The following LIPC variants were observed in gnomAD, a reference collection of about 807,000 sequenced individuals.
The protein encoded by LIPC is lipase C, hepatic type, also known as hepatic triacylglycerol lipase.
A neutral mutation model predicts 50.7 loss-of-function variants in LIPC; 44 were observed. That is an observed-to-expected ratio of 0.87 (90% CI 0.68 to 1.11). The LOEUF (loss-of-function observed/expected upper bound fraction) is 1.11, where lower values mean the gene tolerates loss of function less well. Among genes scored for constraint, LIPC ranks in the 50% most tolerant of loss-of-function variants. The pLI is 0.00. For synonymous variants in LIPC, 271 were observed against 256.4 expected (o/e 1.06, Z -0.54); for missense variants, 697 against 648.2 (o/e 1.08, Z -0.82).
At chr15:58,516,470 G>C (rs1467233272) in intron 1 of LIPC, among the ~76,000 whole-genome samples, 1 of 151,646 alleles carries the variant, frequency 6.6e-6, no homozygotes, top group South Asian at 2.1e-4. Context: ...ATATATATGA[G>C]GCCTCTTAAA....
chr15:58,537,309 C>T (rs1182868954), intron 1 of LIPC, among the ~76,000 whole-genome samples: 1 of 152,314 alleles, frequency 6.6e-6, no homozygotes, highest in South Asian at 2.1e-4. Flanking sequence ...TGGCCACTCA[C>T]CCACCCCTCC....
intron 1 of LIPC, among the ~76,000 whole-genome samples, chr15:58,495,989 G>T (rs938238425): frequency 2.0e-5 from 3 of 152,188 alleles, no homozygotes; most frequent in Non-Finnish European, 4.4e-5. Context: ...TTCTTTTCCA[G>T]ATAAGAAAAG....
chr15:58,516,832 T>C (rs1566936011), intron 1 of LIPC, among the ~76,000 whole-genome samples: 1 of 152,254 alleles, frequency 6.6e-6, no homozygotes, highest in Non-Finnish European at 1.5e-5. Context: ...GATTGATTTT[T>C]CTCTTCATTA....
chr15:58,524,223 C>CTT (rs1892737752), intron 1 of LIPC, among the ~76,000 whole-genome samples: 1 of 152,302 alleles, frequency 6.6e-6, no homozygotes, highest in Admixed American at 6.5e-5. Flanking sequence ...CTGCACCTTA[C>CTT]TTTGGCAACT....
At chr15:58,538,939 A>G (rs760085782) in intron 2 of LIPC, among the ~76,000 whole-genome samples, 3 of 152,262 alleles carry the variant, frequency 2.0e-5, no homozygotes, top group Non-Finnish European at 4.4e-5. Context: ...GACTCAAATT[A>G]GCAGTGGTTC....
At chr15:58,516,359 T>C (rs1203716097) in intron 1 of LIPC, among the ~76,000 whole-genome samples, 3 of 151,696 alleles carry the variant, frequency 2.0e-5, no homozygotes, top group African/African-American at 7.3e-5. Context: ...TGGATCTATG[T>C]ATTTAGTGCT....
intron 8 of LIPC, among the ~76,000 whole-genome samples, chr15:58,567,212 A>T (rs201028875): frequency 0.14 from 18,917 of 139,210 alleles, 2,125 homozygotes; most frequent in South Asian, 0.3. Context: ...AAAAAAATAA[A>T]AAATATATAT....
In LIPC at chr15:58,538,426, G is replaced by C. The variant is rs1233508392; in HGVS notation, c.182G>C (p.Gly61Ala). Reference protein sequence around the residue: ...RFLLFGETNQGCQIRINHPDT... With the variant: ...RFLLFGETNQACQIRINHPDT... Reference sequence around the variant, plus strand: ...CTGCTCTTTGGAGAAACCAATCAGGGCTGTCAGATTCGAATCAATCATCCG... The same window carrying C: ...CTGCTCTTTGGAGAAACCAATCAGGCCTGTCAGATTCGAATCAATCATCCG... Residue 61 changes from glycine to alanine, a missense_variant, in exon 2 of 9, where the codon GGC (glycine) becomes GCC (alanine). Gly to Ala is a moderately conservative substitution (Grantham distance 60). Coordinates refer to ENST00000299022, the MANE Select transcript of LIPC (RefSeq NM_000236.3). The C allele has an allele frequency of 6.2e-7, 1 of 1,614,022 alleles. No homozygotes were observed. The highest frequency in any genetic ancestry group is 8.5e-7 in the Non-Finnish European group (1 of 1,180,016).
chr15:58,511,548 T>C lies in LIPC; in HGVS notation c.89-26785T>C, dbSNP rs562151190. Reference sequence around the variant, plus strand: ...AGTTCTCAGGGGAGAGCTATACATATGACTGGTAAAACCCACTATGTCCAG... The same window carrying C: ...AGTTCTCAGGGGAGAGCTATACATACGACTGGTAAAACCCACTATGTCCAG... On this transcript the variant is annotated intron_variant, in intron 1 of 8. Transcript: ENST00000299022. Among the ~76,000 whole-genome samples, 319 of 152,318 alleles carry C rather than the reference T, an allele frequency of 2.1e-3. 1 individual carries two copies. Among genetic ancestry groups the C allele is most frequent in the African/African-American group, 6.6e-3 (275 of 41,568 alleles).
intron 4 of LIPC, 109 bp from the exon 5 acceptor site, chr15:58,545,633 C>A: frequency 2.1e-6 from 2 of 938,478 alleles, no homozygotes; most frequent in South Asian, 3.0e-5. Context: ...CTACGTGTTT[C>A]TTCTTCCTGC....
At position 58,532,511 on chromosome 15, in the gene LIPC, G is replaced by A. The variant is rs756342974; in HGVS notation, c.89-5822G>A. On this transcript the variant is annotated intron_variant, in intron 1 of 8. Coordinates refer to ENST00000299022, the MANE Select transcript of LIPC (RefSeq NM_000236.3). Reference sequence around the variant, plus strand: ...ATTTTCAGCAGTGGATGTTTACAAAGCAAAAGCCCCCCTACACACACATTA... The same window carrying A: ...ATTTTCAGCAGTGGATGTTTACAAAACAAAAGCCCCCCTACACACACATTA... 2.0e-5 allele frequency among the ~76,000 whole-genome samples: 3 copies of A among 152,164 alleles called. 1 individual carries two copies. Among genetic ancestry groups the A allele is most frequent in the Non-Finnish European group, 4.4e-5 (3 of 68,034 alleles).
chr15:58,486,684 T>C (rs1442856181), intron 1 of LIPC, among the ~76,000 whole-genome samples: 1 of 152,162 alleles, frequency 6.6e-6, no homozygotes, highest in African/African-American at 2.4e-5. Flanking sequence ...CATCTACCAA[T>C]GCAGCACATG....
At chr15:58,495,538 C>G (rs1480459254) in intron 1 of LIPC, among the ~76,000 whole-genome samples, 1 of 152,346 alleles carries the variant, frequency 6.6e-6, no homozygotes, top group South Asian at 2.1e-4. Flanking sequence ...AGTACTTGCT[C>G]TGTGTGCCAG....
intron 1 of LIPC, among the ~76,000 whole-genome samples, chr15:58,506,679 C>A (rs1273923661): frequency 3.3e-5 from 5 of 152,236 alleles, no homozygotes; most frequent in Admixed American, 1.3e-4. Flanking sequence ...AAGACACAGG[C>A]TCAAATTATG....
At chr15:58,499,015 C>A (rs536170603) in intron 1 of LIPC, among the ~76,000 whole-genome samples, 3 of 152,184 alleles carry the variant, frequency 2.0e-5, no homozygotes, top group Non-Finnish European at 2.9e-5. Flanking sequence ...GGCCTTGCTT[C>A]GCTGAGCATG....
intron 1 of LIPC, among the ~76,000 whole-genome samples, chr15:58,437,319 C>T (rs1007800744): frequency 1.3e-5 from 2 of 151,868 alleles, no homozygotes; most frequent in Non-Finnish European, 2.9e-5. Context: ...TCTGAAAAAG[C>T]TCAGTAACAA....
At chr15:58,451,375 T>G (rs1595859357) in intron 1 of LIPC, among the ~76,000 whole-genome samples, 1 of 152,312 alleles carries the variant, frequency 6.6e-6, no homozygotes, top group East Asian at 1.9e-4. Flanking sequence ...AATTATAAGC[T>G]TCAGGGACAG....
At chr15:58,529,959 G>A (rs1431174711) in intron 1 of LIPC, among the ~76,000 whole-genome samples, 1 of 152,236 alleles carries the variant, frequency 6.6e-6, no homozygotes, top group Non-Finnish European at 1.5e-5. Flanking sequence ...TATCGCACAG[G>A]ACAACTGAAT....
At chr15:58,511,848 C>A (rs1000227008) in intron 1 of LIPC, among the ~76,000 whole-genome samples, 8 of 152,124 alleles carry the variant, frequency 5.3e-5, no homozygotes, top group African/African-American at 1.9e-4. Flanking sequence ...TACAACCACA[C>A]GTTAGGATTC....
Sources: allele counts gnomAD v4.1 joint callset (sites outside exome capture counted in the v4.1 genomes callset), GRCh38; gene constraint gnomAD v4.1.1; transcripts MANE v1.5; gene names NCBI Gene and HGNC (gene_info 2026-07-23, HGNC 2026-07-21).